JAKMIP1: variants seen among roughly 807,000 people sequenced by gnomAD.
The protein encoded by JAKMIP1 is janus kinase and microtubule-interacting protein 1.
A neutral mutation model predicts 113.0 loss-of-function variants in JAKMIP1; 33 were observed. The ratio of observed to expected loss-of-function variants is 0.29; its 90% CI spans 0.22 to 0.39. The LOEUF (loss-of-function observed/expected upper bound fraction) is 0.39, where lower values mean the gene tolerates loss of function less well. Among genes scored for constraint, JAKMIP1 ranks in the 10% least tolerant of loss-of-function variants. The pLI, the probability that JAKMIP1 is intolerant of heterozygous loss-of-function variation, is 1.00. For missense variants in JAKMIP1, 813 were observed against 1,080.5 expected (o/e 0.75, Z 3.47); for synonymous variants, 480 against 459.9 (o/e 1.04, Z -0.56).
At position 6,183,721 on chromosome 4, in the gene JAKMIP1, A is replaced by G. The variant is rs1726321212; in HGVS notation, c.-148+16532T>C. Among the ~76,000 whole-genome samples, 1 of 152,092 alleles carries G rather than the reference A, an allele frequency of 6.6e-6. No homozygotes were observed. Among genetic ancestry groups the G allele is most frequent in the Non-Finnish European group, 1.5e-5 (1 of 68,010 alleles). ...ATCACACCAACTCAAATGGGCTGCA[A>G]ACCCAATATTAACCCTGGTAGACCC... On this transcript the variant is annotated intron_variant, in intron 1 of 20. Coordinates refer to ENST00000409021, the MANE Select transcript of JAKMIP1 (RefSeq NM_001099433.2). The surrounding 1 kb of genome is among the most constrained non-coding windows in gnomAD (Gnocchi z 5.3).
chr4:6,053,564 G>C (rs1053175100), intron 13 of JAKMIP1, among the ~76,000 whole-genome samples: 1 of 152,184 alleles, frequency 6.6e-6, no homozygotes, highest in Non-Finnish European at 1.5e-5. Context: ...ACACATTCTA[G>C]AGTCAATTGC....
At chr4:6,041,297 G>A (rs1055181908) in intron 17 of JAKMIP1, among the ~76,000 whole-genome samples, 21 of 152,190 alleles carry the variant, frequency 1.4e-4, no homozygotes, top group African/African-American at 4.3e-4. Context: ...AGACAAGGAA[G>A]GAAAGAGCCA....
At position 6,184,555 on chromosome 4, in the gene JAKMIP1, G is replaced by C. The variant is rs1293088358; in HGVS notation, c.-148+15698C>G. ...ACCCTCCACCCTGAGCGCCAGTGTG[G>C]GATGGGTGCTATATGGACGGGAAGA... On this transcript the variant is annotated intron_variant, in intron 1 of 20. Coordinates refer to ENST00000409021, the MANE Select transcript of JAKMIP1 (RefSeq NM_001099433.2). This position sits in a 1 kb window ranked among gnomAD's most constrained non-coding sequence, Gnocchi z 4.5. Among the ~76,000 whole-genome samples, 3 of 152,142 alleles carry C rather than the reference G, an allele frequency of 2.0e-5. No homozygotes were observed.
rs1003126677 is a variant in JAKMIP1 at position 6,081,472 on chromosome 4, T to C, written c.1101+137A>G. 1 of 918,802 alleles carries C rather than the reference T, an allele frequency of 1.1e-6. No homozygotes were observed. The highest frequency in any genetic ancestry group is 1.7e-6 in the Non-Finnish European group (1 of 596,678). The allele number at this position is 918,802 out of a possible 1,614,324, so 56.9% of individuals were successfully genotyped here. A position where few individuals can be genotyped will look rare whatever the true frequency, so the allele number is the denominator to read the frequency against. ...GAGAGAAAGGCGAGACATCTGTGAC[T>C]GACACTGTGCCTGGTGCTTTGTGGG... is the stretch of plus-strand genomic sequence containing the variant. On this transcript the variant is annotated intron_variant, in intron 6 of 20. Coordinates refer to ENST00000409021, the MANE Select transcript of JAKMIP1 (RefSeq NM_001099433.2). This position sits in a 1 kb window ranked among gnomAD's most constrained non-coding sequence, Gnocchi z 4.6.
chr4:6,084,478 G>A (rs1047151965), intron 5 of JAKMIP1, among the ~76,000 whole-genome samples: 1 of 152,112 alleles, frequency 6.6e-6, no homozygotes, highest in African/African-American at 2.4e-5. Context: ...AGAATTCATT[G>A]TATAAATATT....
Position 6,044,606 on chromosome 4 carries a change from C to G in JAKMIP1, c.2029-2379G>C, listed in dbSNP as rs1440385374. On this transcript the variant is annotated intron_variant, in intron 16 of 20. Coordinates refer to ENST00000409021, the MANE Select transcript of JAKMIP1 (RefSeq NM_001099433.2). The surrounding 1 kb of genome is among the most constrained non-coding windows in gnomAD (Gnocchi z 4.4). ...GTATTTCAGTTTTAATATCCTCATG[C>G]AAGCAGTCATAAAATGAATAAAATT... Among the ~76,000 whole-genome samples the G allele has an allele frequency of 6.6e-6, 1 of 152,104 alleles. No homozygotes were observed. Among genetic ancestry groups the G allele is most frequent in the Non-Finnish European group, 1.5e-5 (1 of 68,032 alleles).
chr4:6,087,452 T>G (rs1213925794), intron 3 of JAKMIP1, among the ~76,000 whole-genome samples: 1 of 152,212 alleles, frequency 6.6e-6, no homozygotes, highest in Non-Finnish European at 1.5e-5. Context: ...CAGTGTTCAC[T>G]GCCACTGTTA....
intron 3 of JAKMIP1, among the ~76,000 whole-genome samples, chr4:6,096,147 C>G (rs2108852322): frequency 6.6e-6 from 1 of 152,342 alleles, no homozygotes; most frequent in African/African-American, 2.4e-5. Context: ...TGAGAACAAC[C>G]TGCCAAAGGC....
At chr4:6,071,461 C>A (rs1718950804) in intron 8 of JAKMIP1, among the ~76,000 whole-genome samples, 1 of 152,236 alleles carries the variant, frequency 6.6e-6, no homozygotes, top group Non-Finnish European at 1.5e-5. Context: ...CACCTACAGA[C>A]CCAGCCTCTG....
Position 6,081,015 on chromosome 4 carries a change from C to CACACACACACAAA in JAKMIP1, c.1101+593_1101+594insTTTGTGTGTGTGT, listed in dbSNP as rs549456814. On this transcript the variant is annotated intron_variant, in intron 6 of 20. Coordinates refer to ENST00000409021, the MANE Select transcript of JAKMIP1 (RefSeq NM_001099433.2). This position sits in a 1 kb window ranked among gnomAD's most constrained non-coding sequence, Gnocchi z 4.6. Reference sequence around the variant, plus strand: ...CACACACACACACACACACACACACCTGCATCTGCTACAGTGCAGACAGCA... The same window carrying CACACACACACAAA: ...CACACACACACACACACACACACACCACACACACACAAATGCATCTGCTACAGTGCAGACAGCA... Among the ~76,000 whole-genome samples, 29 of 33,702 alleles carry CACACACACACAAA rather than the reference C, an allele frequency of 8.6e-4. No individual in the cohort carries two copies. Among genetic ancestry groups the CACACACACACAAA allele is most frequent in the African/African-American group, 3.9e-3 (29 of 7,406 alleles). 22.1% of individuals were successfully genotyped at this position (33,702 alleles called of 152,430 possible). A position where few individuals can be genotyped will look rare whatever the true frequency, so the allele number is the denominator to read the frequency against.
chr4:6,134,805 G>C (rs1194906558), intron 1 of JAKMIP1, among the ~76,000 whole-genome samples: 5 of 152,214 alleles, frequency 3.3e-5, no homozygotes, highest in Non-Finnish European at 7.3e-5. Flanking sequence ...ACCAGGCCTG[G>C]GGAGGCAGAG....
chr4:6,154,890 C>T lies in JAKMIP1; in HGVS notation c.-147-41893G>A, dbSNP rs981921942. On this transcript the variant is annotated intron_variant, in intron 1 of 20. Coordinates refer to ENST00000409021, the MANE Select transcript of JAKMIP1 (RefSeq NM_001099433.2). This position sits in a 1 kb window ranked among gnomAD's most constrained non-coding sequence, Gnocchi z 4.2. ...TTCATCCATCGCCTCCCACAGGAAG[C>T]CCCCTGAGACCCTCTCACTCCACAA... Among the ~76,000 whole-genome samples, 5 of 152,072 alleles carry T rather than the reference C, an allele frequency of 3.3e-5. No individual in the cohort carries two copies. In the East Asian group the frequency reaches 9.7e-4, roughly 29 times the overall value.
At chr4:6,030,482 G>A (rs1316680133) in intron 19 of JAKMIP1, among the ~76,000 whole-genome samples, 3 of 152,106 alleles carry the variant, frequency 2.0e-5, no homozygotes, top group African/African-American at 2.4e-5. Context: ...GTGGTTTACC[G>A]ATCATTCCTT....
chr4:6,077,296 A>G (rs1719816899), intron 8 of JAKMIP1, among the ~76,000 whole-genome samples: 1 of 152,058 alleles, frequency 6.6e-6, no homozygotes. Flanking sequence ...GTCACTGACA[A>G]TGAAGGCAGA....
Position 6,038,010 on chromosome 4 carries a change from G to T in JAKMIP1, c.2176-1903C>A, listed in dbSNP as rs1436425122. ...AGTAGCCCTCCATCACTGAGGCAGA[G>T]GTTAACCCAGTAGCCCTCCAACACC... On this transcript the variant is annotated intron_variant, in intron 18 of 20. Transcript: ENST00000409021. Among the ~76,000 whole-genome samples, 12 of 131,610 alleles carry T rather than the reference G, an allele frequency of 9.1e-5. 1 individual carries two copies. The highest frequency in any genetic ancestry group is 6.2e-5 in the Non-Finnish European group (4 of 64,050). The allele number at this position is 131,610 out of a possible 152,430, so 86.3% of individuals were successfully genotyped here.
intron 1 of JAKMIP1, among the ~76,000 whole-genome samples, chr4:6,146,962 T>G (rs1026418583): frequency 6.6e-6 from 1 of 152,170 alleles, no homozygotes; most frequent in Admixed American, 6.5e-5. Context: ...ATTCAGTTTT[T>G]TTTTGTTTTT....
intron 2 of JAKMIP1, among the ~76,000 whole-genome samples, chr4:6,107,479 G>C (rs984904763): frequency 6.6e-5 from 10 of 152,184 alleles, no homozygotes; most frequent in South Asian, 4.1e-4. Context: ...TTTTATAAGA[G>C]ATTAACATTT....
At chr4:6,077,695 G>A (rs1244326233) in intron 8 of JAKMIP1, among the ~76,000 whole-genome samples, 1 of 151,552 alleles carries the variant, frequency 6.6e-6, no homozygotes, top group Non-Finnish European at 1.5e-5. Flanking sequence ...TGTTGCCCAG[G>A]CTGATCTCAA....
chr4:6,175,219 A>C (rs982342247), intron 1 of JAKMIP1, among the ~76,000 whole-genome samples: 1 of 152,160 alleles, frequency 6.6e-6, no homozygotes, highest in African/African-American at 2.4e-5. Flanking sequence ...CTGAAGGCTC[A>C]GAAAGGTTAA....
Sources: gnomAD v4.1 joint callset for allele counts (sites outside exome capture counted in the v4.1 genomes callset) on GRCh38, gnomAD v4.1.1 for gene constraint, Gnocchi (gnomAD v3.1) non-coding constraint, MANE v1.5 for transcripts, NCBI Gene and HGNC (gene_info 2026-07-23, HGNC 2026-07-21) for gene names.